PRKCE: variants seen among roughly 807,000 people sequenced by gnomAD.
The protein encoded by PRKCE is protein kinase C epsilon, also known as protein kinase C epsilon type.
A neutral mutation model predicts 85.4 loss-of-function variants in PRKCE; 16 were observed. That is an observed-to-expected ratio of 0.19 (90% CI 0.13 to 0.28). The LOEUF is 0.28. PRKCE is among the 10% of genes least tolerant of loss of function. The pLI is 1.00. For missense variants in PRKCE, 573 were observed against 975.2 expected (o/e 0.59, Z 5.49); for synonymous variants, 388 against 371.5 (o/e 1.04, Z -0.51).
chr2:45,891,501 A>G (rs1431765697), intron 2 of PRKCE, among the ~76,000 whole-genome samples: 1 of 152,070 alleles, frequency 6.6e-6, no homozygotes, highest in African/African-American at 2.4e-5. Flanking sequence ...TGAATCCTAA[A>G]CCATCCCTGT....
At chr2:45,656,688 C>G (rs891995727) in intron 1 of PRKCE, among the ~76,000 whole-genome samples, 2 of 152,264 alleles carry the variant, frequency 1.3e-5, no homozygotes, top group East Asian at 1.9e-4. Flanking sequence ...TCTGGCCCAA[C>G]CTTGAGAGCT....
chr2:45,754,993 G>A (rs1683885359), intron 1 of PRKCE, among the ~76,000 whole-genome samples: 1 of 152,204 alleles, frequency 6.6e-6, no homozygotes, highest in Admixed American at 6.5e-5. Flanking sequence ...GCAAGACTAC[G>A]GCGTAGATAC....
intron 1 of PRKCE, among the ~76,000 whole-genome samples, chr2:45,695,166 G>A (rs182624015): frequency 1.1e-3 from 161 of 152,316 alleles, no homozygotes; most frequent in African/African-American, 3.8e-3. Flanking sequence ...GTTTGAGGAG[G>A]AAAATCTGTT....
intron 10 of PRKCE, among the ~76,000 whole-genome samples, chr2:46,053,937 C>G (rs1319042091): frequency 6.6e-6 from 1 of 152,170 alleles, no homozygotes; most frequent in Non-Finnish European, 1.5e-5. Flanking sequence ...TTAGGAGCCG[C>G]CATACTGTTT....
chr2:46,022,679 C>T (rs187475965), intron 10 of PRKCE, among the ~76,000 whole-genome samples: 8 of 152,370 alleles, frequency 5.3e-5, no homozygotes, highest in African/African-American at 1.9e-4. Context: ...AATGCTCCTA[C>T]ATCAGAAAAT....
At chr2:45,750,824 G>T (rs932726560) in intron 1 of PRKCE, among the ~76,000 whole-genome samples, 1 of 152,160 alleles carries the variant, frequency 6.6e-6, no homozygotes, top group Non-Finnish European at 1.5e-5. Context: ...GTGGTGGCAT[G>T]ATTTTGACCA....
intron 1 of PRKCE, among the ~76,000 whole-genome samples, chr2:45,690,031 T>G (rs182848052): frequency 6.6e-6 from 1 of 152,342 alleles, no homozygotes; most frequent in Non-Finnish European, 1.5e-5. Flanking sequence ...ATATGTCTTT[T>G]GGAAACAAAC....
chr2:45,820,390 G>A (rs953873166), intron 1 of PRKCE, among the ~76,000 whole-genome samples: 2 of 152,038 alleles, frequency 1.3e-5, no homozygotes, highest in Non-Finnish European at 1.5e-5. Context: ...GCCTGAAAAT[G>A]TAGGTAGATT....
At chr2:46,154,065 G>A (rs1676942912) in intron 13 of PRKCE, among the ~76,000 whole-genome samples, 1 of 152,136 alleles carries the variant, frequency 6.6e-6, no homozygotes, top group Non-Finnish European at 1.5e-5. Context: ...GATTACAGGC[G>A]TGAGCCTCCA....
chr2:45,889,640 C>T (rs914137194), intron 2 of PRKCE, among the ~76,000 whole-genome samples: 3 of 152,192 alleles, frequency 2.0e-5, no homozygotes, highest in Non-Finnish European at 4.4e-5. Context: ...GGTGTGTTCC[C>T]ATAGGAAGTC....
chr2:46,002,810 A>G (rs1405390564), intron 7 of PRKCE, among the ~76,000 whole-genome samples: 1 of 152,234 alleles, frequency 6.6e-6, no homozygotes, highest in African/African-American at 2.4e-5. Flanking sequence ...CTGTCATGAC[A>G]ACGTTATGCA....
At chr2:46,123,468 C>T (rs1673541546) in intron 11 of PRKCE, among the ~76,000 whole-genome samples, 1 of 151,958 alleles carries the variant, frequency 6.6e-6, no homozygotes, top group African/African-American at 2.4e-5. Context: ...AGAACAAAAG[C>T]AAACTTTATG....
chr2:46,074,603 T>C (rs773262107), intron 10 of PRKCE, among the ~76,000 whole-genome samples: 14 of 152,188 alleles, frequency 9.2e-5, no homozygotes, highest in Non-Finnish European at 2.9e-5. Context: ...AACTCCAGCA[T>C]GACCTCTGTA....
At chr2:45,868,571 G>A (rs1344185649) in intron 2 of PRKCE, among the ~76,000 whole-genome samples, 1 of 147,806 alleles carries the variant, frequency 6.8e-6, no homozygotes, top group South Asian at 2.2e-4. Context: ...TGATCTGCCC[G>A]CCTCAGCCTC....
intron 2 of PRKCE, among the ~76,000 whole-genome samples, chr2:45,860,943 A>G (rs1387538004): frequency 6.6e-6 from 1 of 152,184 alleles, no homozygotes; most frequent in Non-Finnish European, 1.5e-5. Context: ...TGTCCCAGAC[A>G]AGTGTTTTTC....
In PRKCE at chr2:45,872,896, A is replaced by G. The variant is rs931451018; in HGVS notation, c.412+29833A>G. 2.0e-5 allele frequency among the ~76,000 whole-genome samples: 3 copies of G among 152,312 alleles called. No homozygotes were observed. In the East Asian group the frequency reaches 5.8e-4, roughly 29 times the overall value. On this transcript the variant is annotated intron_variant, in intron 2 of 14. Coordinates refer to ENST00000306156, the MANE Select transcript of PRKCE (RefSeq NM_005400.3). ...GATGTAAATTGAGTCATGGGTATGC[A>G]GGTTGTCTCTGGAGCTGTGTGCTCA... is the stretch of plus-strand genomic sequence containing the variant.
chr2:46,146,199 C>T (rs1044790624), intron 12 of PRKCE, among the ~76,000 whole-genome samples: 1 of 152,234 alleles, frequency 6.6e-6, no homozygotes, highest in African/African-American at 2.4e-5. Flanking sequence ...TGATGTGATT[C>T]AGATTTAAGA....
intron 10 of PRKCE, among the ~76,000 whole-genome samples, chr2:46,018,049 A>T (rs1467306569): frequency 6.6e-6 from 1 of 152,212 alleles, no homozygotes. Flanking sequence ...TCAATTTTAC[A>T]TGAACTCAAT....
chr2:46,163,451 A>G (rs13008228), intron 14 of PRKCE, among the ~76,000 whole-genome samples: 2 of 90,264 alleles, frequency 2.2e-5, no homozygotes, highest in African/African-American at 8.8e-5. Context: ...AAGCTGAGGC[A>G]CACCCCACAG....
Sources: allele counts gnomAD v4.1 joint callset (sites outside exome capture counted in the v4.1 genomes callset), GRCh38; gene constraint gnomAD v4.1.1; transcripts MANE v1.5; gene names NCBI Gene and HGNC (gene_info 2026-07-23, HGNC 2026-07-21).